The following LIPI variants were observed in gnomAD, a reference collection of about 807,000 sequenced individuals.
The protein encoded by LIPI is lipase I.
A neutral mutation model predicts 50.6 loss-of-function variants in LIPI; 59 were observed. The observed-to-expected ratio is 1.16, with a 90% CI of 0.94 to 1.45. LIPI has a LOEUF of 1.45. LIPI is among the 40% of genes most tolerant of loss of function. The pLI, the probability that LIPI is intolerant of heterozygous loss-of-function variation, is 0.00. For synonymous variants in LIPI, 203 were observed against 178.2 expected, an observed-to-expected ratio of 1.14 and a Z score of -1.11; for missense variants, 586 against 536.3, an observed-to-expected ratio of 1.09 and a Z score of -0.92.
At chr21:14,169,702 A>G (rs1369407161) in intron 4 of LIPI, among the ~76,000 whole-genome samples, 1 of 152,326 alleles carries the variant, frequency 6.6e-6, no homozygotes, top group Non-Finnish European at 1.5e-5. Context: ...TCCCTGGGAC[A>G]CATTCAAAGC....
intron 9 of LIPI, among the ~76,000 whole-genome samples, chr21:14,121,229 C>G (rs2187064): frequency 0.65 from 99,117 of 152,066 alleles, 32,698 homozygotes; most frequent in East Asian, 0.94. Context: ...TGACTCAGAT[C>G]TTATAGATTA....
intron 4 of LIPI, among the ~76,000 whole-genome samples, chr21:14,176,759 A>G (rs533273888): frequency 6.8e-6 from 1 of 147,578 alleles, no homozygotes; most frequent in African/African-American, 2.5e-5. Flanking sequence ...TAATGCCCTC[A>G]TAGCTCTGAT....
intron 7 of LIPI, among the ~76,000 whole-genome samples, chr21:14,155,147 G>T (rs1269708814): frequency 6.6e-6 from 1 of 152,006 alleles, no homozygotes. Flanking sequence ...GCTCCATCGT[G>T]CAATGAATAG....
intron 4 of LIPI, among the ~76,000 whole-genome samples, chr21:14,174,278 T>C (rs2019018031): frequency 6.6e-6 from 1 of 152,222 alleles, no homozygotes; most frequent in Non-Finnish European, 1.5e-5. Flanking sequence ...ATTCATTCTC[T>C]TGGTTTCAAG....
intron 9 of LIPI, among the ~76,000 whole-genome samples, chr21:14,128,018 C>T (rs908816751): frequency 2.6e-5 from 4 of 152,014 alleles, no homozygotes; most frequent in Non-Finnish European, 4.4e-5. Flanking sequence ...AAAAAAAATG[C>T]TTACAACCCA....
rs1425556414 is a variant in LIPI at position 14,189,280 on chromosome 21, T to C, written c.186A>G (p.Gln62=). 3 of 1,614,090 alleles carry C rather than the reference T, an allele frequency of 1.9e-6. No individual in the cohort carries two copies. Among genetic ancestry groups the C allele is most frequent in the African/African-American group, 2.7e-5 (2 of 75,066 alleles). The change falls in exon 2 of 10, where the codon CAA becomes CAG. Residue 62 remains glutamine (Q), a synonymous_variant. Coordinates refer to ENST00000681601, the MANE Select transcript of LIPI (RefSeq NM_001302998.2). ...NLNCAEPLFE[Q]NNSLNVNFNT... is the part of the protein sequence containing the mutation. Reference sequence around the variant, plus strand: ...TGAAATTAACATTAAGTGAGTTATTTTGTTCAAACAGTGGCTCAGCACAGT... The same window carrying C: ...TGAAATTAACATTAAGTGAGTTATTCTGTTCAAACAGTGGCTCAGCACAGT...
chr21:14,184,041 G>C (rs922349316), intron 3 of LIPI, among the ~76,000 whole-genome samples: 1 of 152,158 alleles, frequency 6.6e-6, no homozygotes, highest in Non-Finnish European at 1.5e-5. Context: ...GTTTATAGCG[G>C]CACTATTCAC....
At chr21:14,202,541 C>T (rs1379581056) in intron 1 of LIPI, among the ~76,000 whole-genome samples, 7 of 151,886 alleles carry the variant, frequency 4.6e-5, no homozygotes, top group African/African-American at 1.2e-4. Context: ...TATCTACAAC[C>T]ATCTGATCTT....
At chr21:14,186,570 C>T (rs952891597) in intron 2 of LIPI, among the ~76,000 whole-genome samples, 4 of 152,178 alleles carry the variant, frequency 2.6e-5, no homozygotes, top group African/African-American at 9.7e-5. Context: ...TTTCCCAAAG[C>T]CACATAGATT....
intron 4 of LIPI, among the ~76,000 whole-genome samples, chr21:14,174,513 A>ATT (rs145191379): frequency 6.6e-5 from 10 of 150,526 alleles, no homozygotes; most frequent in African/African-American, 2.2e-4. Flanking sequence ...CTAACCCATC[A>ATT]TTTTTTTTTA....
intron 9 of LIPI, among the ~76,000 whole-genome samples, chr21:14,140,298 A>C (rs1386278140): frequency 6.6e-6 from 1 of 152,166 alleles, no homozygotes; most frequent in East Asian, 1.9e-4. Context: ...GAAAAAGACT[A>C]GTCTATGATG....
intron 7 of LIPI, among the ~76,000 whole-genome samples, chr21:14,159,224 T>C (rs549152660): frequency 1.3e-5 from 2 of 151,538 alleles, no homozygotes; most frequent in African/African-American, 4.8e-5. Flanking sequence ...TACTAACAAA[T>C]ACCTCTTATG....
At chr21:14,178,188 T>C (rs1377948420) in intron 4 of LIPI, among the ~76,000 whole-genome samples, 1 of 152,190 alleles carries the variant, frequency 6.6e-6, no homozygotes, top group Non-Finnish European at 1.5e-5. Context: ...ATTTTTCTTA[T>C]TGAATGGAAT....
rs370914105 is a variant in LIPI at position 14,181,759 on chromosome 21, A to T, written c.642T>A (p.Asn214Lys). The T allele has an allele frequency of 4.4e-6, 7 of 1,575,072 alleles. No homozygotes were observed. Among genetic ancestry groups the T allele is most frequent in the Non-Finnish European group, 6.1e-6 (7 of 1,144,946 alleles). The stretch of plus-strand genomic sequence containing the variant: ...AGGTAATAAATCCTGATTTGTTACC[A>T]TTGGAGTCAGAATGGATGACATCCA... ...KFVDVIHSDS[N>K]GLGIQEPLGH... The change falls in exon 4 of 10, where the codon AAT (asparagine) becomes AAA (lysine). Residue 214 changes from asparagine (N) to lysine (K), a missense_variant and splice_region_variant. By Grantham distance (94) the Asn-to-Lys change is moderately conservative (BLOSUM62 0). Transcript: ENST00000681601.
intron 1 of LIPI, among the ~76,000 whole-genome samples, chr21:14,205,791 CA>C (rs1248818079): frequency 6.6e-6 from 1 of 151,936 alleles, no homozygotes; most frequent in Non-Finnish European, 1.5e-5. Flanking sequence ...ATGGTATCAG[CA>C]AAAACTGAAT....
At chr21:14,141,687 C>T (rs2017714859) in intron 9 of LIPI, among the ~76,000 whole-genome samples, 1 of 152,188 alleles carries the variant, frequency 6.6e-6, no homozygotes, top group South Asian at 2.1e-4. Context: ...AAAGTGGTAG[C>T]TGCCCTGGCA....
intron 4 of LIPI, among the ~76,000 whole-genome samples, chr21:14,181,407 G>A (rs754575928): frequency 1.6e-4 from 25 of 152,092 alleles, no homozygotes; most frequent in African/African-American, 6.0e-4. Context: ...GGGGAGAATG[G>A]TAACCTAAAT....
rs554338273 is a variant in LIPI, at chr21:14,189,409, T to C, written c.57A>G (p.Arg19=). The change falls in exon 2 of 10, where the codon AGA becomes AGG. Residue 19 remains arginine (R), a synonymous_variant. Transcript: ENST00000681601. ...LMCWVRSDNK[R]PCLEFSQLSV... is the part of the protein sequence containing the mutation. ...TTAGCTGAGAGAATTCAAGGCATGG[T>C]CTTTTATTATCTGAAATAAGAAAAT... 9 of 1,612,422 alleles carry C rather than the reference T, an allele frequency of 5.6e-6. No individual in the cohort carries two copies. Among genetic ancestry groups the C allele is most frequent in the African/African-American group, 5.3e-5 (4 of 75,042 alleles).
At chr21:14,166,588 A>C in intron 4 of LIPI, 137 bp from the exon 5 acceptor site, 2 of 652,202 alleles carry the variant, frequency 3.1e-6, no homozygotes, top group Non-Finnish European at 5.5e-6. Flanking sequence ...GTTTTTATAA[A>C]GATAAGTTTT....
Sources: allele counts gnomAD v4.1 joint callset (sites outside exome capture counted in the v4.1 genomes callset), GRCh38; gene constraint gnomAD v4.1.1; transcripts MANE v1.5; gene names NCBI Gene and HGNC (gene_info 2026-07-23, HGNC 2026-07-21).